Variants in TBC1D13 observed in about 807,000 individuals in gnomAD.
The protein encoded by TBC1D13 is epididymis secretory sperm binding protein.
Under a neutral mutation model 53.6 loss-of-function variants are expected in TBC1D13, and 40 were observed. The observed-to-expected ratio is 0.75, with a 90% confidence interval of 0.58 to 0.97. The LOEUF (loss-of-function observed/expected upper bound fraction) is 0.97, where lower values mean the gene tolerates loss of function less well. Among genes scored for constraint, TBC1D13 ranks in the 50% least tolerant of loss-of-function variants. The pLI, the probability that TBC1D13 is intolerant of heterozygous loss-of-function variation, is 0.00. For synonymous variants in TBC1D13, 182 were observed against 197.7 expected, an observed-to-expected ratio of 0.92 and a Z score of 0.67; for missense variants, 377 against 499.4, an observed-to-expected ratio of 0.75 and a Z score of 2.34.
rs7862546 is a variant in TBC1D13 at position 128,807,904 on chromosome 9, C to A, written c.*25C>A. ...GCCCGGCGGCAAGAGGCCCATGTTCCGGAGAGAAGCCTCCCGACCCTGTGC... is the reference window on the plus strand; with the variant it reads ...GCCCGGCGGCAAGAGGCCCATGTTCAGGAGAGAAGCCTCCCGACCCTGTGC... On this transcript the variant is annotated 3_prime_UTR_variant, in exon 12 of 12. Transcript: ENST00000372648. 7.4e-6 allele frequency: 12 copies of A among 1,613,340 alleles called. No homozygotes were observed. In the Admixed American group the frequency reaches 1.0e-4, roughly 13 times the overall value.
At chr9:128,790,707 G>T (rs769235083) in intron 2 of TBC1D13, 28 bp from the exon 3 acceptor site, 4 of 1,539,518 alleles carry the variant, frequency 2.6e-6, no homozygotes, top group South Asian at 2.4e-5. Flanking sequence ...CTGGCCTGGG[G>T]CATGACCTTT....
At chr9:128,805,642 T>C (rs760731730) in intron 9 of TBC1D13, among the ~76,000 whole-genome samples, 1 of 152,172 alleles carries the variant, frequency 6.6e-6, no homozygotes, top group African/African-American at 2.4e-5. Context: ...CAGCTTCTCT[T>C]TAAAAAATAG....
intron 8 of TBC1D13, 76 bp downstream of exon 8, chr9:128,803,536 CCT>C: frequency 1.5e-6 from 2 of 1,372,492 alleles, no homozygotes; most frequent in Non-Finnish European, 2.1e-6. Flanking sequence ...CCCTCTCGGG[CCT>C]CTGTTCTCCC....
chr9:128,797,707 G>A (rs896296755), intron 7 of TBC1D13, among the ~76,000 whole-genome samples: 8 of 152,174 alleles, frequency 5.3e-5, no homozygotes, highest in Admixed American at 2.6e-4. Context: ...GGAGGCTGAG[G>A]TAGGAGGATG....
intron 6 of TBC1D13, among the ~76,000 whole-genome samples, chr9:128,796,796 C>G (rs1234906779): frequency 6.6e-6 from 1 of 151,704 alleles, no homozygotes; most frequent in Non-Finnish European, 1.5e-5. Flanking sequence ...ATTAGCCGGG[C>G]GTGGTGGTGG....
Position 128,797,233 on chromosome 9 carries a change from T to C in TBC1D13, c.543+19T>C, listed in dbSNP as rs754822055. 1 of 1,612,758 alleles carries C rather than the reference T, an allele frequency of 6.2e-7. No individual in the cohort carries two copies. The highest frequency in any genetic ancestry group is 8.5e-7 in the Non-Finnish European group (1 of 1,179,204). On this transcript the variant is annotated intron_variant, in intron 7 of 11. Transcript: ENST00000372648. ...CACAAATGTGAGTGCCAACCTGGGGTCCCCAGGGACTCCCCCAACAGTATT... is the reference window on the plus strand; with the variant it reads ...CACAAATGTGAGTGCCAACCTGGGGCCCCCAGGGACTCCCCCAACAGTATT...
intron 7 of TBC1D13, among the ~76,000 whole-genome samples, chr9:128,798,597 G>T (rs1219487156): frequency 1.3e-5 from 2 of 152,172 alleles, no homozygotes; most frequent in African/African-American, 4.8e-5. Context: ...GATGCAGCAG[G>T]GTTAGATCTG....
intron 7 of TBC1D13, among the ~76,000 whole-genome samples, chr9:128,801,441 A>C (rs556873046): frequency 2.0e-5 from 3 of 152,034 alleles, no homozygotes; most frequent in Non-Finnish European, 2.9e-5. Context: ...GCACTTTGGG[A>C]GGCTGAGGCG....
chr9:128,802,896 G>A (rs1217570149), intron 7 of TBC1D13, among the ~76,000 whole-genome samples: 1 of 151,840 alleles, frequency 6.6e-6, no homozygotes, highest in Non-Finnish European at 1.5e-5. Flanking sequence ...CTTCACACTC[G>A]GCTAACATTT....
chr9:128,796,963 T>C (rs546643122), intron 6 of TBC1D13, 92 bp from the exon 7 acceptor site: 28 of 1,404,394 alleles, frequency 2.0e-5, no homozygotes, highest in Non-Finnish European at 2.2e-5. Flanking sequence ...CAAAAAACAA[T>C]GCTTTTGGGG....
intron 7 of TBC1D13, among the ~76,000 whole-genome samples, chr9:128,798,298 T>C (rs1210229035): frequency 6.6e-6 from 1 of 150,730 alleles, no homozygotes; most frequent in African/African-American, 2.4e-5. Flanking sequence ...GAGGAGGGCA[T>C]ATGCCGAAGT....
rs1438483460 is a variant in TBC1D13, at chr9:128,788,404, A to G, written c.94A>G (p.Ser32Gly). Residue 32 changes from serine to glycine, a missense_variant, in exon 2 of 12, where the codon AGT becomes GGT. Coordinates refer to ENST00000372648, the MANE Select transcript of TBC1D13 (RefSeq NM_018201.5). ...GGAAAAGCTGCGGGAACTCAGCTTT[A>G]GTGGTAAGAAGCCATTCTGTATTTT... ...ALEKLRELSF[S>G]GIPCEGGLRC... The G allele has an allele frequency of 2.5e-6, 4 of 1,613,788 alleles. No homozygotes were observed. The South Asian group carries it at 4.4e-5, about 18-fold the overall frequency.
At chr9:128,796,372 C>T (rs1265240464) in intron 6 of TBC1D13, among the ~76,000 whole-genome samples, 1 of 152,146 alleles carries the variant, frequency 6.6e-6, no homozygotes, top group African/African-American at 2.4e-5. Context: ...GCCTCAGCCT[C>T]CTGAGTAGCT....
At position 128,808,342 on chromosome 9, in the gene TBC1D13, G is replaced by C. The variant is rs1829878308; in HGVS notation, c.*463G>C. 1 of 218,608 alleles carries C rather than the reference G, an allele frequency of 4.6e-6. No homozygotes were observed. Among genetic ancestry groups the C allele is most frequent in the African/African-American group, 2.2e-5 (1 of 44,700 alleles). The allele number at this position is 218,608 out of a possible 1,614,324, so 13.5% of individuals were successfully genotyped here. Reference sequence around the variant, plus strand: ...CACTGAAAGCTGAGTCCTGCCGTCTGTCTCACCCACAGATGTCTGTAGTCG... The same window carrying C: ...CACTGAAAGCTGAGTCCTGCCGTCTCTCTCACCCACAGATGTCTGTAGTCG... On this transcript the variant is annotated 3_prime_UTR_variant, in exon 12 of 12. Coordinates refer to ENST00000372648, the MANE Select transcript of TBC1D13 (RefSeq NM_018201.5).
chr9:128,788,358 G>A lies in TBC1D13; in HGVS notation c.48G>A (p.Leu16=), dbSNP rs779353666. 1.9e-6 allele frequency: 3 copies of A among 1,614,158 alleles called. No homozygotes were observed. The highest frequency in any genetic ancestry group is 2.5e-6 in the Non-Finnish European group (3 of 1,180,026). The change falls in exon 2 of 12, where the codon CTG becomes CTA. Residue 16 remains leucine (L), a synonymous_variant. Transcript: ENST00000372648. ...GAATTGCAGATTTCCAGGATGTCCT[G>A]AAGGAGCCCTCAATTGCATTGGAAA... The part of the protein sequence containing the change: ...KSRIADFQDV[L]KEPSIALEKL...
At chr9:128,790,147 C>T (rs776526359) in intron 2 of TBC1D13, among the ~76,000 whole-genome samples, 12 of 150,696 alleles carry the variant, frequency 8.0e-5, no homozygotes, top group Non-Finnish European at 1.6e-4. Flanking sequence ...ATCCCAGCTA[C>T]TTGCAAGGCT....
chr9:128,792,703 C>T (rs1351607394), intron 6 of TBC1D13, 129 bp downstream of exon 6: 8 of 816,982 alleles, frequency 9.8e-6, no homozygotes, highest in Non-Finnish European at 1.6e-5. Flanking sequence ...ATTGTCCCAG[C>T]GGTTGGGTCC....
chr9:128,809,028 G>A lies in TBC1D13; in HGVS notation c.*1149G>A, dbSNP rs1453500944. On this transcript the variant is annotated 3_prime_UTR_variant, in exon 12 of 12. Transcript: ENST00000372648. ...GCTTCAGAAGAGTTGTCATTCCCTC[G>A]GCTTCCAGGTCCCAACCCAGGGTTG... 3 of 152,090 alleles carry A rather than the reference G, an allele frequency of 2.0e-5. No homozygotes were observed. Among genetic ancestry groups the A allele is most frequent in the Non-Finnish European group, 4.4e-5 (3 of 68,070 alleles). 9.4% of individuals were successfully genotyped at this position (152,090 alleles called of 1,614,324 possible). A position where few individuals can be genotyped will look rare whatever the true frequency, so the allele number is the denominator to read the frequency against.
intron 7 of TBC1D13, among the ~76,000 whole-genome samples, chr9:128,801,008 A>C (rs1251310046): frequency 6.6e-6 from 1 of 152,120 alleles, no homozygotes; most frequent in African/African-American, 2.4e-5. Flanking sequence ...CTAAAAATAC[A>C]AAACAACAAC....
Sources: allele counts gnomAD v4.1 joint callset (sites outside exome capture counted in the v4.1 genomes callset), GRCh38; gene constraint gnomAD v4.1.1; transcripts MANE v1.5; gene names NCBI Gene and HGNC (gene_info 2026-07-23, HGNC 2026-07-21).